Variants in TNRC6B observed in about 807,000 individuals in gnomAD.
TNRC6B encodes the protein trinucleotide repeat containing adaptor 6B.
A neutral mutation model predicts 203.6 loss-of-function variants in TNRC6B; 52 were observed. The observed-to-expected ratio is 0.26, with a 90% CI of 0.20 to 0.32. The LOEUF is 0.32. Ranked by LOEUF, TNRC6B falls within the 10% of genes least tolerant of loss-of-function variation. TNRC6B has a pLI of 1.00. For missense variants in TNRC6B, 1,923 were observed against 2,286.2 expected, an observed-to-expected ratio of 0.84 and a Z score of 3.24; for synonymous variants, 838 against 845.7, an observed-to-expected ratio of 0.99 and a Z score of 0.16.
At chr22:40,316,084 G>T in intron 21 of TNRC6B, 72 bp downstream of exon 21, 1 of 1,410,726 alleles carries the variant, frequency 7.1e-7, no homozygotes, top group Non-Finnish European at 9.9e-7. Flanking sequence ...GTTGGGCATG[G>T]TGGCTCATGC....
intron 4 of TNRC6B, 64 bp from the exon 5 acceptor site, chr22:40,264,624 T>C: frequency 6.7e-7 from 1 of 1,497,262 alleles, no homozygotes; most frequent in East Asian, 2.3e-5. Flanking sequence ...GAGAGCCCCT[T>C]TGAGGGATTA....
chr22:40,154,325 G>A (rs1231189952), intron 3 of TNRC6B, among the ~76,000 whole-genome samples: 8 of 151,864 alleles, frequency 5.3e-5, no homozygotes, highest in Non-Finnish European at 7.4e-5. Flanking sequence ...TCAGCTGGGC[G>A]TGGTGGCAGG....
chr22:40,291,114 G>A (rs73420553), intron 12 of TNRC6B, among the ~76,000 whole-genome samples: 3 of 152,152 alleles, frequency 2.0e-5, no homozygotes, highest in Admixed American at 6.5e-5. Flanking sequence ...GGCCAGGCAC[G>A]GTGGTTTACT....
intron 4 of TNRC6B, among the ~76,000 whole-genome samples, chr22:40,157,712 C>A (rs934016804): frequency 2.6e-5 from 4 of 152,144 alleles, no homozygotes; most frequent in Non-Finnish European, 5.9e-5. Flanking sequence ...TGCTTTTCTC[C>A]GTGTCCACTG....
rs947197032 is a variant in TNRC6B, at chr22:40,248,093, C to A, written c.93+1991C>A. On this transcript the variant is annotated intron_variant, in intron 2 of 22. Coordinates refer to ENST00000454349, the MANE Select transcript of TNRC6B (RefSeq NM_001162501.2). ...TTGTGTCTAGAAAAAAAAAAAAAAA[C>A]CATAGAAGTCAGATAACCCAGAGAT... Among the ~76,000 whole-genome samples, 23 of 150,548 alleles carry A rather than the reference C, an allele frequency of 1.5e-4. 1 individual carries two copies. Among genetic ancestry groups the A allele is most frequent in the African/African-American group, 2.2e-4 (9 of 41,094 alleles).
chr22:40,050,958 A>G (rs908376789), intron 1 of TNRC6B, among the ~76,000 whole-genome samples: 1 of 151,518 alleles, frequency 6.6e-6, no homozygotes, highest in African/African-American at 2.4e-5. Flanking sequence ...TCGAGTAGCT[A>G]GGACTACAGG....
In TNRC6B at chr22:40,156,213, A is replaced by G. The variant is rs369988627; in HGVS notation, c.113+31A>G. 5 of 1,549,880 alleles carry G rather than the reference A, an allele frequency of 3.2e-6. No individual in the cohort carries two copies. The African/African-American group carries it at 5.5e-5, about 17-fold the overall frequency. Reference sequence around the variant, plus strand: ...TCACAGTTTATTTAAAAAGAGTCCTATTACAGATCCTCGGAAACACTTTGG... The same window carrying G: ...TCACAGTTTATTTAAAAAGAGTCCTGTTACAGATCCTCGGAAACACTTTGG... On this transcript the variant is annotated intron_variant, in intron 4 of 23. Coordinates refer to the TNRC6B transcript ENST00000301923.
chr22:40,182,451 C>A (rs369318562), intron 1 of TNRC6B, among the ~76,000 whole-genome samples: 1 of 152,108 alleles, frequency 6.6e-6, no homozygotes, highest in African/African-American at 2.4e-5. Flanking sequence ...GTGATTAAGA[C>A]GGGTGTCAGG....
chr22:40,151,556 A>AGAAG (rs2068754727), intron 3 of TNRC6B, among the ~76,000 whole-genome samples: 5 of 75,070 alleles, frequency 6.7e-5, no homozygotes, highest in African/African-American at 4.2e-4. Context: ...AAAAAAAGAA[A>AGAAG]AAAGAAAAAA....
intron 3 of TNRC6B, among the ~76,000 whole-genome samples, chr22:40,137,153 C>T (rs1380495838): frequency 1.3e-5 from 2 of 152,152 alleles, no homozygotes; most frequent in Admixed American, 6.5e-5. Flanking sequence ...AAGATTTACC[C>T]ATTGTTTAAT....
rs1414612658 is a variant in TNRC6B at position 40,132,875 on chromosome 22, C to T, written c.45+7013C>T. Among the ~76,000 whole-genome samples, 11 of 138,316 alleles carry T rather than the reference C, an allele frequency of 8.0e-5. No homozygotes were observed. The East Asian group carries it at 1.2e-3, about 15-fold the overall frequency. The allele number at this position is 138,316 out of a possible 152,430, so 90.7% of individuals were successfully genotyped here. A position where few individuals can be genotyped will look rare whatever the true frequency, so the allele number is the denominator to read the frequency against. The stretch of plus-strand genomic sequence containing the variant: ...AGGAGAATGGCGTGAACCTGGAAGG[C>T]GGAGCTTGCAGTGAGCCAAGATCGC... On this transcript the variant is annotated intron_variant, in intron 3 of 23. Coordinates refer to the TNRC6B transcript ENST00000301923.
At chr22:40,076,950 A>G (rs1371853208) in intron 1 of TNRC6B, among the ~76,000 whole-genome samples, 1 of 152,106 alleles carries the variant, frequency 6.6e-6, no homozygotes, top group Non-Finnish European at 1.5e-5. Flanking sequence ...GCTTCAGCCC[A>G]GGAATTTGAG....
rs746356527 is a variant in TNRC6B at position 40,301,352 on chromosome 22, A to G, written c.4120+19A>G. 6.3e-7 allele frequency: 1 copy of G among 1,599,480 alleles called. No individual in the cohort carries two copies. Among genetic ancestry groups the G allele is most frequent in the East Asian group, 2.2e-5 (1 of 44,554 alleles). ...GGTTCTGGTAAGTTGTTGGTAGAGA[A>G]AATTACCTTTTTAGAAATCTACCTC... On this transcript the variant is annotated intron_variant, in intron 15 of 22. Transcript: ENST00000454349.
At chr22:40,193,172 CTTG>C (rs1356566347) in intron 1 of TNRC6B, among the ~76,000 whole-genome samples, 2 of 152,160 alleles carry the variant, frequency 1.3e-5, no homozygotes, top group Non-Finnish European at 2.9e-5. Context: ...CATCCTGCTT[CTTG>C]TTGTCGCGTG....
Position 40,213,992 on chromosome 22 carries a change from G to A in TNRC6B, c.6-32023G>A, listed in dbSNP as rs867286532. Among the ~76,000 whole-genome samples the A allele has an allele frequency of 1.2e-4, 19 of 152,316 alleles. No homozygotes were observed. The Middle Eastern group carries it at 0.014, about 109-fold the overall frequency. ...TATAAATAAAGGGGTAGCAGGCTGG[G>A]CACGGTGGCTCACGCTTGTAATCCC... On this transcript the variant is annotated intron_variant, in intron 1 of 22. Transcript: ENST00000454349.
At chr22:40,119,333 C>G (rs1193053880) in intron 2 of TNRC6B, among the ~76,000 whole-genome samples, 2 of 152,178 alleles carry the variant, frequency 1.3e-5, no homozygotes, top group Non-Finnish European at 2.9e-5. Context: ...CCTATAGTCC[C>G]AGCACTTTGG....
At chr22:40,151,023 G>C (rs1282286843) in intron 3 of TNRC6B, among the ~76,000 whole-genome samples, 1 of 152,124 alleles carries the variant, frequency 6.6e-6, no homozygotes, top group Non-Finnish European at 1.5e-5. Flanking sequence ...AGAATGATCA[G>C]ACATTTGATA....
chr22:40,112,730 ACT>A (rs1317610389), intron 1 of TNRC6B, among the ~76,000 whole-genome samples: 1 of 152,250 alleles, frequency 6.6e-6, no homozygotes, highest in African/African-American at 2.4e-5. Flanking sequence ...TTGCATTGAC[ACT>A]GAGATTGATA....
At chr22:40,148,441 G>A (rs897883398) in intron 3 of TNRC6B, among the ~76,000 whole-genome samples, 16 of 151,762 alleles carry the variant, frequency 1.1e-4, no homozygotes, top group Admixed American at 5.9e-4. Flanking sequence ...CTGCCACCAC[G>A]CCCAGCTAAT....
Sources: gnomAD v4.1 joint callset for allele counts (sites outside exome capture counted in the v4.1 genomes callset) on GRCh38, gnomAD v4.1.1 for gene constraint, MANE v1.5 for transcripts, NCBI Gene and HGNC (gene_info 2026-07-23, HGNC 2026-07-21) for gene names.